Variants in CPQ observed in about 807,000 individuals in gnomAD.
CPQ encodes Ser-Met dipeptidase.
CPQ carries 37 observed loss-of-function variants against 45.7 expected under a neutral mutation model. The ratio of observed to expected loss-of-function variants is 0.81; its 90% CI spans 0.62 to 1.07. The LOEUF is 1.07. Ranked by LOEUF, CPQ falls within the 50% of genes least tolerant of loss-of-function variation. The probability of loss-of-function intolerance (pLI) is 0.00; values close to 1 mark genes in which losing one functional copy is unlikely to be tolerated. For synonymous variants in CPQ, 186 were observed against 205.8 expected, an observed-to-expected ratio of 0.90 and a Z score of 0.82; for missense variants, 537 against 572.9, an observed-to-expected ratio of 0.94 and a Z score of 0.64.
At chr8:96,902,305 A>G (rs1386587072) in intron 4 of CPQ, among the ~76,000 whole-genome samples, 1 of 152,212 alleles carries the variant, frequency 6.6e-6, no homozygotes, top group African/African-American at 2.4e-5. Context: ...ATTATTATCA[A>G]AACTATTTAG....
chr8:96,925,692 C>T (rs1391976694), intron 4 of CPQ, among the ~76,000 whole-genome samples: 1 of 135,794 alleles, frequency 7.4e-6, no homozygotes, highest in Non-Finnish European at 1.5e-5. Flanking sequence ...AAGGCCTCTG[C>T]ACTTTTTTTT....
chr8:96,849,760 C>A (rs1236916404), intron 3 of CPQ, among the ~76,000 whole-genome samples: 5 of 152,188 alleles, frequency 3.3e-5, no homozygotes, highest in African/African-American at 1.2e-4. Context: ...CTATGTTTTA[C>A]TGGCCTGATC....
At chr8:97,013,926 T>G (rs893995152) in intron 5 of CPQ, among the ~76,000 whole-genome samples, 3 of 152,186 alleles carry the variant, frequency 2.0e-5, no homozygotes, top group African/African-American at 7.2e-5. Flanking sequence ...GTATTGACAA[T>G]GTTGTATATG....
rs1812473494 is a variant in CPQ at position 96,898,638 on chromosome 8, A to AG, written c.849+18639dup. The stretch of plus-strand genomic sequence containing the variant: ...CTGGGGACTGTGGTGGGGTCGGGGG[A>AG]GGGGGGAGGGATAGCATTGGGAGAT... On this transcript the variant is annotated intron_variant, in intron 4 of 7. Transcript: ENST00000220763. 1.0e-4 allele frequency among the ~76,000 whole-genome samples: 5 copies of AG among 47,722 alleles called. No homozygotes were observed. In the South Asian group the frequency reaches 2.6e-3, roughly 25 times the overall value. The allele number at this position is 47,722 out of a possible 152,430, so 31.3% of individuals were successfully genotyped here.
intron 5 of CPQ, among the ~76,000 whole-genome samples, chr8:96,973,769 C>T (rs1343526085): frequency 6.6e-6 from 1 of 152,148 alleles, no homozygotes. Context: ...TCCAGCAAAA[C>T]TAAGCTTCAT....
intron 7 of CPQ, among the ~76,000 whole-genome samples, chr8:97,091,598 T>G (rs1481581597): frequency 6.6e-6 from 1 of 152,164 alleles, no homozygotes; most frequent in East Asian, 1.9e-4. Flanking sequence ...GTTCTCTTTG[T>G]AGGTGCTGGT....
chr8:96,707,407 G>A (rs1334866675), intron 1 of CPQ, among the ~76,000 whole-genome samples: 1 of 152,046 alleles, frequency 6.6e-6, no homozygotes, highest in Non-Finnish European at 1.5e-5. Context: ...TCCAACCTGT[G>A]GCCCAGGACA....
intron 4 of CPQ, among the ~76,000 whole-genome samples, chr8:96,936,170 C>G (rs1262662021): frequency 1.3e-5 from 2 of 152,052 alleles, no homozygotes; most frequent in Non-Finnish European, 2.9e-5. Context: ...TGCAGTGCAG[C>G]AATGGGGTAC....
At position 97,004,149 on chromosome 8, in the gene CPQ, A is replaced by C. The variant is rs558430890; in HGVS notation, c.962-25254A>C. Among the ~76,000 whole-genome samples the C allele has an allele frequency of 3.9e-5, 6 of 152,254 alleles. No individual in the cohort carries two copies. In the South Asian group the frequency reaches 6.2e-4, roughly 16 times the overall value. ...ACAGAATTTAACTTAAAGTACATGA[A>C]AAAATTCCAATGAAATTATAACCAT... On this transcript the variant is annotated intron_variant, in intron 5 of 7. Transcript: ENST00000220763.
At chr8:96,926,573 TTCC>T (rs377235794) in intron 4 of CPQ, among the ~76,000 whole-genome samples, 1,928 of 120,762 alleles carry the variant, frequency 0.016, 8 homozygotes, top group Middle Eastern at 0.021. Flanking sequence ...CCTCTTCCTC[TTCC>T]TCTTCTTCTT....
chr8:97,023,773 G>T (rs1179304065), intron 5 of CPQ, among the ~76,000 whole-genome samples: 5 of 152,116 alleles, frequency 3.3e-5, no homozygotes, highest in African/African-American at 7.2e-5. Flanking sequence ...TTATTAGCAG[G>T]AAGGCTATTA....
At chr8:97,103,365 A>C (rs1811349871) in intron 7 of CPQ, among the ~76,000 whole-genome samples, 1 of 152,234 alleles carries the variant, frequency 6.6e-6, no homozygotes, top group South Asian at 2.1e-4. Flanking sequence ...CCTTGAGGCC[A>C]TGAGGGTTTG....
At chr8:96,941,496 G>C (rs191541037) in intron 4 of CPQ, among the ~76,000 whole-genome samples, 2 of 152,082 alleles carry the variant, frequency 1.3e-5, no homozygotes. Context: ...TTCTTTCTTT[G>C]TAGGCTCCTG....
chr8:96,694,693 T>C (rs1347558134), intron 1 of CPQ, among the ~76,000 whole-genome samples: 1 of 151,300 alleles, frequency 6.6e-6, no homozygotes, highest in African/African-American at 2.4e-5. Flanking sequence ...TTGAAAAAAT[T>C]AGGAAATTAA....
At chr8:96,647,549 C>T (rs530203966) in intron 1 of CPQ, among the ~76,000 whole-genome samples, 1 of 152,126 alleles carries the variant, frequency 6.6e-6, no homozygotes, top group Non-Finnish European at 1.5e-5. Context: ...AAAACTCAAG[C>T]AGATGGAAAC....
At chr8:96,677,979 T>C (rs1441521406) in intron 1 of CPQ, among the ~76,000 whole-genome samples, 3 of 152,104 alleles carry the variant, frequency 2.0e-5, no homozygotes, top group African/African-American at 7.2e-5. Context: ...CAGCACTTAC[T>C]TAATATATTT....
At chr8:96,912,556 T>C (rs1227887504) in intron 4 of CPQ, among the ~76,000 whole-genome samples, 1 of 152,218 alleles carries the variant, frequency 6.6e-6, no homozygotes, top group South Asian at 2.1e-4. Context: ...AACAGGTTAT[T>C]ATTTTTTCAT....
intron 1 of CPQ, among the ~76,000 whole-genome samples, chr8:96,653,624 T>C (rs1035524940): frequency 1.6e-4 from 24 of 152,368 alleles, no homozygotes; most frequent in Admixed American, 1.1e-3. Flanking sequence ...ATGTTACATG[T>C]AATATATACT....
rs1329572914 is a variant in CPQ, at chr8:96,765,024, ATTGT to A, written c.-34-19836_-34-19833del. Reference sequence around the variant, plus strand: ...TGCCTTTGTTAAAATCTGTACCTAAATTGTTTGGAACAAGAAAGAATAGTAACTA... The same window carrying A: ...TGCCTTTGTTAAAATCTGTACCTAAATTGGAACAAGAAAGAATAGTAACTA... On this transcript the variant is annotated intron_variant, in intron 1 of 7. Coordinates refer to ENST00000220763, the MANE Select transcript of CPQ (RefSeq NM_016134.4). 2.0e-5 allele frequency among the ~76,000 whole-genome samples: 3 copies of A among 152,324 alleles called. No individual in the cohort carries two copies. In the East Asian group the frequency reaches 5.8e-4, roughly 29 times the overall value.
Sources: allele counts gnomAD v4.1 joint callset (sites outside exome capture counted in the v4.1 genomes callset), GRCh38; gene constraint gnomAD v4.1.1; transcripts MANE v1.5; gene names NCBI Gene and HGNC (gene_info 2026-07-23, HGNC 2026-07-21).